Variants in ASIC2 observed in about 807,000 individuals in gnomAD.
The protein encoded by ASIC2 is acid-sensing ion channel 2.
In ASIC2, 25 loss-of-function variants were observed where a neutral mutation model predicts 57.3. That is an observed-to-expected ratio of 0.44 (90% CI 0.32 to 0.61). The LOEUF (loss-of-function observed/expected upper bound fraction) is 0.61. ASIC2 is among the 20% of genes least tolerant of loss of function. The pLI is 0.06. For missense variants in ASIC2, 641 were observed against 738.1 expected, an observed-to-expected ratio of 0.87 and a Z score of 1.52; for synonymous variants, 319 against 307.5, an observed-to-expected ratio of 1.04 and a Z score of -0.39.
chr17:33,955,800 T>C (rs1312581658), intron 1 of ASIC2, among the ~76,000 whole-genome samples: 1 of 152,216 alleles, frequency 6.6e-6, no homozygotes, highest in Non-Finnish European at 1.5e-5. Context: ...GCTTATGTTT[T>C]TTCCTCCAGC....
At chr17:33,621,352 G>A (rs1905789505) in intron 1 of ASIC2, among the ~76,000 whole-genome samples, 1 of 152,190 alleles carries the variant, frequency 6.6e-6, no homozygotes, top group South Asian at 2.1e-4. Flanking sequence ...TTTATTAGAT[G>A]CATAAAGAAA....
At chr17:33,824,082 G>A (rs1001424673) in intron 1 of ASIC2, among the ~76,000 whole-genome samples, 1 of 152,148 alleles carries the variant, frequency 6.6e-6, no homozygotes. Flanking sequence ...AGATTATAAG[G>A]AAATGACCCA....
intron 1 of ASIC2, among the ~76,000 whole-genome samples, chr17:33,930,326 T>C (rs1915905008): frequency 6.6e-6 from 1 of 152,218 alleles, no homozygotes; most frequent in Admixed American, 6.5e-5. Flanking sequence ...AAGAAGAATG[T>C]CACTGTCTAT....
chr17:33,730,778 G>A (rs1022115358), intron 1 of ASIC2, among the ~76,000 whole-genome samples: 2 of 152,164 alleles, frequency 1.3e-5, no homozygotes, highest in Non-Finnish European at 2.9e-5. Context: ...TGTGTATCTT[G>A]CACAAAGTAG....
chr17:33,072,874 G>A (rs937551295), intron 3 of ASIC2, among the ~76,000 whole-genome samples: 1 of 152,240 alleles, frequency 6.6e-6, no homozygotes, highest in African/African-American at 2.4e-5. Flanking sequence ...GAAGGAGGAT[G>A]AGTAATCCAC....
chr17:33,390,455 C>T (rs765974595), intron 1 of ASIC2, among the ~76,000 whole-genome samples: 2 of 152,004 alleles, frequency 1.3e-5, no homozygotes, highest in Admixed American at 6.6e-5. Context: ...AACAAATAGC[C>T]CCAAAATTTT....
At chr17:33,787,015 G>A (rs1042290276) in intron 1 of ASIC2, among the ~76,000 whole-genome samples, 2 of 152,214 alleles carry the variant, frequency 1.3e-5, no homozygotes, top group African/African-American at 2.4e-5. Flanking sequence ...TTGGATGGAT[G>A]AGACTGATTT....
At chr17:33,205,805 C>T (rs1029704717) in intron 1 of ASIC2, among the ~76,000 whole-genome samples, 48 of 152,174 alleles carry the variant, frequency 3.2e-4, no homozygotes, top group Non-Finnish European at 5.1e-4. Context: ...CTGGCTGTGC[C>T]GTTTCTTGGC....
intron 7 of ASIC2, among the ~76,000 whole-genome samples, chr17:33,018,799 G>T (rs995587367): frequency 9.3e-6 from 1 of 107,038 alleles, no homozygotes. Flanking sequence ...AAGACTCTCA[G>T]TCTCTGGAAA....
intron 1 of ASIC2, among the ~76,000 whole-genome samples, chr17:33,197,184 G>A (rs535310937): frequency 6.6e-6 from 1 of 152,308 alleles, no homozygotes; most frequent in African/African-American, 2.4e-5. Context: ...CCCTGCTCTG[G>A]CACTGTGAGA....
chr17:33,381,113 C>T (rs1324859785), intron 1 of ASIC2, among the ~76,000 whole-genome samples: 2 of 152,200 alleles, frequency 1.3e-5, no homozygotes, highest in Non-Finnish European at 2.9e-5. Context: ...TGGCCGGTGG[C>T]TGTGCTTGCT....
intron 1 of ASIC2, among the ~76,000 whole-genome samples, chr17:33,897,782 G>C (rs936138498): frequency 6.6e-6 from 1 of 152,172 alleles, no homozygotes; most frequent in Non-Finnish European, 1.5e-5. Context: ...GGAGAGGGGA[G>C]CCCACCAGTG....
intron 1 of ASIC2, chr17:34,002,902 T>C (rs1906391682): frequency 6.6e-6 from 1 of 152,234 alleles, no homozygotes; most frequent in Non-Finnish European, 1.5e-5. Context: ...CTCACTCCTG[T>C]CTTTCTTCTT....
At chr17:33,796,167 T>C (rs1911914102) in intron 1 of ASIC2, among the ~76,000 whole-genome samples, 1 of 152,212 alleles carries the variant, frequency 6.6e-6, no homozygotes, top group East Asian at 1.9e-4. Flanking sequence ...ACCTTCCTTG[T>C]AGACCACCAA....
At chr17:33,548,412 T>G (rs1375379642) in intron 1 of ASIC2, among the ~76,000 whole-genome samples, 1 of 152,200 alleles carries the variant, frequency 6.6e-6, no homozygotes. Context: ...GAAGTACATT[T>G]CCTTGCTTGT....
At chr17:33,286,857 C>A (rs1458359550) in intron 1 of ASIC2, among the ~76,000 whole-genome samples, 1 of 152,110 alleles carries the variant, frequency 6.6e-6, no homozygotes, top group East Asian at 1.9e-4. Context: ...TTTTATACCC[C>A]CCAGCAGCTA....
chr17:33,405,545 G>T (rs1234418397), intron 1 of ASIC2, among the ~76,000 whole-genome samples: 3 of 148,084 alleles, frequency 2.0e-5, no homozygotes, highest in African/African-American at 7.5e-5. Flanking sequence ...GAGCAGTGGC[G>T]CGATCTTGGC....
chr17:33,223,267 C>T (rs1907752001), intron 1 of ASIC2, among the ~76,000 whole-genome samples: 1 of 152,024 alleles, frequency 6.6e-6, no homozygotes, highest in Non-Finnish European at 1.5e-5. Flanking sequence ...ACTGCAACCT[C>T]CGCCTCCAGG....
intron 3 of ASIC2, among the ~76,000 whole-genome samples, chr17:33,083,185 A>C (rs558961196): frequency 6.6e-6 from 1 of 152,286 alleles, no homozygotes; most frequent in African/African-American, 2.4e-5. Flanking sequence ...ACATTTATGG[A>C]TCTTATCTAT....
Sources: allele counts gnomAD v4.1 joint callset (sites outside exome capture counted in the v4.1 genomes callset), GRCh38; gene constraint gnomAD v4.1.1; transcripts MANE v1.5; gene names NCBI Gene and HGNC (gene_info 2026-07-23, HGNC 2026-07-21).